The following ROBO2 variants were observed in gnomAD, a reference collection of about 807,000 sequenced individuals.
The protein encoded by ROBO2 is roundabout guidance receptor 2.
In ROBO2, 53 loss-of-function variants were observed where a neutral mutation model predicts 160.8. That is an observed-to-expected ratio of 0.33 (90% CI 0.26 to 0.41). ROBO2 has a LOEUF of 0.41. ROBO2 is among the 10% of genes least tolerant of loss of function. The pLI, the probability that ROBO2 is intolerant of heterozygous loss-of-function variation, is 1.00. For synonymous variants in ROBO2, 664 were observed against 611.7 expected, an observed-to-expected ratio of 1.09 and a Z score of -1.26; for missense variants, 1,577 against 1,722.4, an observed-to-expected ratio of 0.92 and a Z score of 1.49.
chr3:76,491,406 T>C (rs2079818926), intron 2 of ROBO2, among the ~76,000 whole-genome samples: 1 of 152,190 alleles, frequency 6.6e-6, no homozygotes, highest in Non-Finnish European at 1.5e-5. Context: ...AAACCCAAAG[T>C]ACTTCACAAT....
intron 2 of ROBO2, among the ~76,000 whole-genome samples, chr3:76,303,088 T>C (rs2071153020): frequency 6.6e-6 from 1 of 152,174 alleles, no homozygotes; most frequent in African/African-American, 2.4e-5. Context: ...TAAATGAACT[T>C]TACATAAGCC....
chr3:76,158,277 A>G (rs1478356976), intron 2 of ROBO2, among the ~76,000 whole-genome samples: 1 of 151,920 alleles, frequency 6.6e-6, no homozygotes, highest in African/African-American at 2.4e-5. Context: ...CTTTCTCTCC[A>G]TCCTCTCTGT....
intron 6 of ROBO2, among the ~76,000 whole-genome samples, chr3:77,541,089 G>A (rs376796871): frequency 6.6e-6 from 1 of 152,110 alleles, no homozygotes; most frequent in East Asian, 1.9e-4. Context: ...GGCAATTATA[G>A]AATTAAAAGT....
intron 2 of ROBO2, among the ~76,000 whole-genome samples, chr3:76,691,315 C>T (rs2092797046): frequency 6.6e-6 from 1 of 152,030 alleles, no homozygotes; most frequent in Admixed American, 6.6e-5. Context: ...GTTGGACTTG[C>T]CAGCCTCCAG....
At chr3:77,432,602 A>G (rs1343477569) in intron 2 of ROBO2, among the ~76,000 whole-genome samples, 1 of 152,176 alleles carries the variant, frequency 6.6e-6, no homozygotes, top group African/African-American at 2.4e-5. Flanking sequence ...CTTATTTATT[A>G]GCATATTGTC....
In ROBO2 at chr3:76,841,496, G is replaced by T. The variant is rs567817338; in HGVS notation, c.110-256518G>T. ...TTGTTTGGATGAGGGCTGGTACATT[G>T]CCCCCCTCCCCCTTTTATTTTTCCT... On this transcript the variant is annotated intron_variant, in intron 2 of 26. Transcript: ENST00000487694. 8.6e-4 allele frequency among the ~76,000 whole-genome samples: 131 copies of T among 152,246 alleles called. 1 individual carries two copies. The highest frequency in any genetic ancestry group is 2.8e-3 in the African/African-American group (116 of 41,538).
chr3:76,355,226 T>C (rs1489844048), intron 2 of ROBO2, among the ~76,000 whole-genome samples: 2 of 151,846 alleles, frequency 1.3e-5, no homozygotes, highest in African/African-American at 4.8e-5. Context: ...ATGTGGCAGA[T>C]AATGTATCTT....
chr3:76,344,272 C>T (rs1419847316), intron 2 of ROBO2, among the ~76,000 whole-genome samples: 3 of 152,082 alleles, frequency 2.0e-5, no homozygotes, highest in Non-Finnish European at 2.9e-5. Flanking sequence ...CAGGTTTTTA[C>T]AATGCAACCT....
chr3:76,079,725 A>G (rs961762115), intron 2 of ROBO2, among the ~76,000 whole-genome samples: 4 of 152,048 alleles, frequency 2.6e-5, no homozygotes, highest in Admixed American at 6.6e-5. Flanking sequence ...AGCTCAGGCA[A>G]TCCGTCTGCC....
chr3:76,815,905 T>C (rs1048534828), intron 2 of ROBO2, among the ~76,000 whole-genome samples: 1 of 152,096 alleles, frequency 6.6e-6, no homozygotes, highest in Non-Finnish European at 1.5e-5. Context: ...CAGTTTTGAA[T>C]TAAATTCTGC....
intron 2 of ROBO2, among the ~76,000 whole-genome samples, chr3:76,235,591 TA>T (rs1450578170): frequency 6.6e-6 from 1 of 152,066 alleles, no homozygotes; most frequent in Non-Finnish European, 1.5e-5. Flanking sequence ...AAGAAACCAT[TA>T]AAAAAAGTCA....
At chr3:76,361,351 T>C (rs1466687382) in intron 2 of ROBO2, among the ~76,000 whole-genome samples, 1 of 152,118 alleles carries the variant, frequency 6.6e-6, no homozygotes, top group Non-Finnish European at 1.5e-5. Flanking sequence ...TTCAGTGGGA[T>C]ATTGCTGAGA....
chr3:76,015,794 A>G (rs2066389283), intron 2 of ROBO2, among the ~76,000 whole-genome samples: 1 of 152,212 alleles, frequency 6.6e-6, no homozygotes, highest in African/African-American at 2.4e-5. Context: ...ATAAAGATCT[A>G]GAAGATAACT....
chr3:77,484,219 C>A (rs1317976490), intron 4 of ROBO2, among the ~76,000 whole-genome samples: 1 of 151,988 alleles, frequency 6.6e-6, no homozygotes, highest in African/African-American at 2.4e-5. Flanking sequence ...CCAATCTATA[C>A]ACCTTCCTGA....
intron 2 of ROBO2, among the ~76,000 whole-genome samples, chr3:76,312,247 C>T (rs751197550): frequency 6.6e-6 from 1 of 152,156 alleles, no homozygotes; most frequent in Non-Finnish European, 1.5e-5. Context: ...TTCTTTTTAC[C>T]TAACGTTTTT....
chr3:77,208,772 G>C (rs1332539571), intron 2 of ROBO2, among the ~76,000 whole-genome samples: 1 of 152,150 alleles, frequency 6.6e-6, no homozygotes, highest in Non-Finnish European at 1.5e-5. Context: ...TTGAGGAGAA[G>C]AAAGAAAACC....
At chr3:76,341,098 T>C (rs2074194838) in intron 2 of ROBO2, among the ~76,000 whole-genome samples, 1 of 152,040 alleles carries the variant, frequency 6.6e-6, no homozygotes, top group Admixed American at 6.6e-5. Flanking sequence ...TCCCCTTCAA[T>C]TAAACAAATT....
chr3:77,210,892 T>A (rs1035559620), intron 2 of ROBO2, among the ~76,000 whole-genome samples: 8 of 152,168 alleles, frequency 5.3e-5, no homozygotes, highest in African/African-American at 1.9e-4. Flanking sequence ...TCCAGCCTCA[T>A]CCATGTCCCT....
intron 1 of ROBO2, among the ~76,000 whole-genome samples, chr3:77,046,151 C>T (rs964887247): frequency 2.0e-5 from 3 of 152,184 alleles, no homozygotes; most frequent in African/African-American, 7.2e-5. Context: ...CTGTGTTTCA[C>T]ATTTTGAGGA....
Sources: allele counts gnomAD v4.1 joint callset (sites outside exome capture counted in the v4.1 genomes callset), GRCh38; gene constraint gnomAD v4.1.1; transcripts MANE v1.5; gene names NCBI Gene and HGNC (gene_info 2026-07-23, HGNC 2026-07-21).